FHIT: variants seen among roughly 807,000 people sequenced by gnomAD.
FHIT encodes the protein fragile histidine triad diadenosine triphosphatase, also known as bis(5'-adenosyl)-triphosphatase.
A neutral mutation model predicts 17.9 loss-of-function variants in FHIT; 19 were observed. The ratio of observed to expected loss-of-function variants is 1.06; its 90% CI spans 0.74 to 1.56. The LOEUF (loss-of-function observed/expected upper bound fraction) is 1.56, where lower values mean the gene tolerates loss of function less well. FHIT is among the 40% of genes most tolerant of loss of function. FHIT has a pLI of 0.00. For synonymous variants in FHIT, 81 were observed against 69.7 expected (o/e 1.16, Z -0.81); for missense variants, 248 against 189.2 (o/e 1.31, Z -1.82).
intron 5 of FHIT, among the ~76,000 whole-genome samples, chr3:60,246,523 G>A (rs1401722628): frequency 6.6e-6 from 1 of 152,072 alleles, no homozygotes; most frequent in African/African-American, 2.4e-5. Context: ...GGAAGAACAG[G>A]TGGCTGAGAG....
chr3:61,146,947 C>T (rs1378078136), intron 2 of FHIT, among the ~76,000 whole-genome samples: 1 of 151,978 alleles, frequency 6.6e-6, no homozygotes, highest in Non-Finnish European at 1.5e-5. Context: ...TATCCAAATG[C>T]CTCATGGGTG....
chr3:61,200,873 A>G (rs2038990316), intron 1 of FHIT, among the ~76,000 whole-genome samples: 1 of 152,224 alleles, frequency 6.6e-6, no homozygotes, highest in Non-Finnish European at 1.5e-5. Context: ...ATCTACCCAG[A>G]ATTGAAGCAC....
chr3:59,779,274 T>A (rs58480008), intron 8 of FHIT, among the ~76,000 whole-genome samples: 5,733 of 152,200 alleles, frequency 0.038, 148 homozygotes, highest in South Asian at 0.09. Flanking sequence ...CAGAAACGTA[T>A]ATATTGTTAA....
chr3:60,113,603 T>C (rs965149446), intron 5 of FHIT, among the ~76,000 whole-genome samples: 5 of 151,806 alleles, frequency 3.3e-5, no homozygotes, highest in African/African-American at 1.2e-4. Flanking sequence ...CGATGACAGC[T>C]GCATTGGAAA....
At chr3:60,346,970 C>T (rs78428078) in intron 5 of FHIT, among the ~76,000 whole-genome samples, 4,140 of 152,146 alleles carry the variant, frequency 0.027, 74 homozygotes, top group Middle Eastern at 0.048. Context: ...TTCTATCAGG[C>T]GTATCATCTA....
At chr3:59,978,660 C>T (rs1708518445) in intron 7 of FHIT, among the ~76,000 whole-genome samples, 1 of 150,262 alleles carries the variant, frequency 6.7e-6, no homozygotes, top group East Asian at 2.0e-4. Flanking sequence ...ACTTTGCAAC[C>T]TCCAAAATTA....
At chr3:60,626,878 T>C (rs1640756797) in intron 4 of FHIT, among the ~76,000 whole-genome samples, 1 of 151,882 alleles carries the variant, frequency 6.6e-6, no homozygotes, top group African/African-American at 2.4e-5. Flanking sequence ...TACTATTCTA[T>C]TTCCTTGAGT....
At chr3:60,610,898 C>T (rs559947056) in intron 4 of FHIT, among the ~76,000 whole-genome samples, 5 of 152,090 alleles carry the variant, frequency 3.3e-5, no homozygotes, top group Non-Finnish European at 5.9e-5. Flanking sequence ...AGCAGCAGGC[C>T]GACCCTGGCT....
chr3:60,686,381 T>C (rs1458270025), intron 4 of FHIT, among the ~76,000 whole-genome samples: 1 of 152,180 alleles, frequency 6.6e-6, no homozygotes, highest in Non-Finnish European at 1.5e-5. Context: ...AAAGTAATTG[T>C]GGGTTTTGTA....
chr3:60,860,215 C>T (rs891396408), intron 3 of FHIT, among the ~76,000 whole-genome samples: 3 of 126,506 alleles, frequency 2.4e-5, no homozygotes, highest in Non-Finnish European at 3.3e-5. Context: ...ATATGGTATA[C>T]ATGAGATACA....
intron 5 of FHIT, among the ~76,000 whole-genome samples, chr3:60,355,894 C>T (rs1050178936): frequency 7.2e-5 from 11 of 152,066 alleles, no homozygotes; most frequent in Non-Finnish European, 8.8e-5. Flanking sequence ...GAAAATTGTT[C>T]CTTATCTTTG....
chr3:60,616,596 A>C (rs967494771), intron 4 of FHIT, among the ~76,000 whole-genome samples: 1 of 150,392 alleles, frequency 6.6e-6, no homozygotes, highest in Non-Finnish European at 1.5e-5. Flanking sequence ...TTAATGCCAA[A>C]AATTTAAATA....
intron 4 of FHIT, among the ~76,000 whole-genome samples, chr3:60,556,861 G>A (rs2036758847): frequency 6.6e-6 from 1 of 152,210 alleles, no homozygotes; most frequent in Non-Finnish European, 1.5e-5. Flanking sequence ...ACTGTGCTCA[G>A]GGCAAAGGAT....
At chr3:60,633,030 C>A (rs2039488081) in intron 4 of FHIT, among the ~76,000 whole-genome samples, 1 of 152,152 alleles carries the variant, frequency 6.6e-6, no homozygotes, top group Non-Finnish European at 1.5e-5. Flanking sequence ...GTAAGAAGAA[C>A]CATGCTGTGG....
intron 8 of FHIT, among the ~76,000 whole-genome samples, chr3:59,891,131 C>T (rs981524862): frequency 6.6e-5 from 10 of 152,224 alleles, no homozygotes; most frequent in African/African-American, 2.4e-4. Flanking sequence ...GACTTACACA[C>T]TTTCCTAAGA....
intron 7 of FHIT, among the ~76,000 whole-genome samples, chr3:59,944,759 T>C (rs548134905): frequency 3.3e-5 from 5 of 152,288 alleles, no homozygotes; most frequent in African/African-American, 9.6e-5. Flanking sequence ...CTCCCACTTA[T>C]AAGTGGGAAT....
chr3:60,223,138 A>G (rs1042391101), intron 5 of FHIT, among the ~76,000 whole-genome samples: 1 of 152,202 alleles, frequency 6.6e-6, no homozygotes, highest in African/African-American at 2.4e-5. Context: ...TTCCAGGGAT[A>G]GAGGCTCCCC....
At chr3:60,047,570 G>A (rs753629559) in intron 5 of FHIT, among the ~76,000 whole-genome samples, 11 of 152,216 alleles carry the variant, frequency 7.2e-5, no homozygotes, top group Non-Finnish European at 1.0e-4. Flanking sequence ...GGCGTGAACC[G>A]ATATGCTAGG....
At chr3:59,964,311 C>G (rs559901236) in intron 7 of FHIT, among the ~76,000 whole-genome samples, 21 of 152,232 alleles carry the variant, frequency 1.4e-4, no homozygotes, top group South Asian at 8.3e-4. Flanking sequence ...TCAGATATGA[C>G]ATGCCATTCA....
Sources: allele counts gnomAD v4.1 joint callset (sites outside exome capture counted in the v4.1 genomes callset), GRCh38; gene constraint gnomAD v4.1.1; transcripts MANE v1.5; gene names NCBI Gene and HGNC (gene_info 2026-07-23, HGNC 2026-07-21).